Variants in DOCK3 observed in about 807,000 individuals in gnomAD.
The protein encoded by DOCK3 is dedicator of cytokinesis protein 3.
Under a neutral mutation model 265.6 loss-of-function variants are expected in DOCK3, and 60 were observed. That is an observed-to-expected ratio of 0.23 (90% CI 0.18 to 0.28). The LOEUF (loss-of-function observed/expected upper bound fraction) is 0.28. Ranked by LOEUF, DOCK3 falls within the 10% of genes least tolerant of loss-of-function variation. The pLI is 1.00. For missense variants in DOCK3, 1,981 were observed against 2,594.3 expected (o/e 0.76, Z 5.14); for synonymous variants, 881 against 938.0 (o/e 0.94, Z 1.11).
intron 5 of DOCK3, among the ~76,000 whole-genome samples, chr3:51,012,790 G>T (rs74864468): frequency 0.046 from 6,985 of 152,090 alleles, 581 homozygotes; most frequent in African/African-American, 0.16. Flanking sequence ...TCTTTGAATC[G>T]CCCAGATTTG....
intron 2 of DOCK3, among the ~76,000 whole-genome samples, chr3:50,831,839 CCCA>C (rs1168145525): frequency 6.6e-6 from 1 of 152,170 alleles, no homozygotes; most frequent in East Asian, 1.9e-4. Context: ...AATTTATACT[CCCA>C]CCAACAGTGT....
At chr3:51,254,792 G>A (rs564367460) in intron 22 of DOCK3, among the ~76,000 whole-genome samples, 27 of 152,214 alleles carry the variant, frequency 1.8e-4, no homozygotes, top group African/African-American at 5.8e-4. Flanking sequence ...CCTTAATACA[G>A]CACACTGATG....
intron 38 of DOCK3, among the ~76,000 whole-genome samples, chr3:51,347,512 A>C (rs527268232): frequency 2.0e-5 from 3 of 152,214 alleles, no homozygotes; most frequent in Non-Finnish European, 4.4e-5. Context: ...CTGTTTTGGT[A>C]CCGGTACCAT....
chr3:50,910,029 T>C (rs2049780091), intron 4 of DOCK3, among the ~76,000 whole-genome samples: 1 of 152,114 alleles, frequency 6.6e-6, no homozygotes, highest in Non-Finnish European at 1.5e-5. Flanking sequence ...GTACTTGTGA[T>C]TGCATTGTGA....
intron 2 of DOCK3, among the ~76,000 whole-genome samples, chr3:50,798,755 T>G (rs2042920303): frequency 6.6e-6 from 1 of 152,170 alleles, no homozygotes; most frequent in Non-Finnish European, 1.5e-5. Context: ...TTTGTTTATT[T>G]TTGCTTGTGT....
chr3:50,991,928 A>C (rs534326348), intron 5 of DOCK3, among the ~76,000 whole-genome samples: 1 of 152,218 alleles, frequency 6.6e-6, no homozygotes, highest in African/African-American at 2.4e-5. Context: ...AGAAGTCAAG[A>C]CTATAAAAAT....
chr3:51,049,487 C>T lies in DOCK3; in HGVS notation c.316-14961C>T, dbSNP rs546238541. ...GTTCCTTTTTTAAATGGCTAGCTAA[C>T]TTTATGGGTCAGTTTTCTTTCGAGG... On this transcript the variant is annotated intron_variant, in intron 5 of 52. Transcript: ENST00000266037. 2.1e-4 allele frequency among the ~76,000 whole-genome samples: 32 copies of T among 152,220 alleles called. No individual in the cohort carries two copies. In the South Asian group the frequency reaches 6.6e-3, roughly 32 times the overall value.
chr3:51,118,691 T>C (rs1463635840), intron 9 of DOCK3, among the ~76,000 whole-genome samples: 1 of 152,250 alleles, frequency 6.6e-6, no homozygotes, highest in Admixed American at 6.5e-5. Context: ...CTTGTTGCAT[T>C]GATCCCTTTA....
At chr3:51,143,391 TC>T (rs1262941735) in intron 9 of DOCK3, among the ~76,000 whole-genome samples, 2 of 151,590 alleles carry the variant, frequency 1.3e-5, no homozygotes, top group African/African-American at 4.8e-5. Flanking sequence ...TGTCTCAGCC[TC>T]CTGAGTAGCT....
At chr3:50,909,917 C>A (rs764492669) in intron 4 of DOCK3, among the ~76,000 whole-genome samples, 1 of 151,838 alleles carries the variant, frequency 6.6e-6, no homozygotes, top group Non-Finnish European at 1.5e-5. Flanking sequence ...TTGTTCATTC[C>A]TTTTCATTCT....
chr3:50,803,930 C>T (rs1559659692), intron 2 of DOCK3, among the ~76,000 whole-genome samples: 1 of 151,948 alleles, frequency 6.6e-6, no homozygotes, highest in Non-Finnish European at 1.5e-5. Flanking sequence ...GGAGACGCTC[C>T]TCACTTCCCA....
chr3:50,684,320 T>C (rs550972356), intron 1 of DOCK3, among the ~76,000 whole-genome samples: 1 of 152,336 alleles, frequency 6.6e-6, no homozygotes, highest in Non-Finnish European at 1.5e-5. Flanking sequence ...CAGGACCTAG[T>C]TCATGGTGAG....
intron 32 of DOCK3, 75 bp from the exon 33 acceptor site, chr3:51,330,063 C>T (rs745851080): frequency 2.1e-6 from 3 of 1,429,540 alleles, no homozygotes; most frequent in Non-Finnish European, 2.9e-6. Context: ...ACCATCCTCA[C>T]CCACCACAGG....
At chr3:50,770,593 G>T (rs2041213292) in intron 1 of DOCK3, among the ~76,000 whole-genome samples, 1 of 151,992 alleles carries the variant, frequency 6.6e-6, no homozygotes, top group African/African-American at 2.4e-5. Flanking sequence ...AAAAAAAAAT[G>T]TAAAATTTAT....
intron 22 of DOCK3, among the ~76,000 whole-genome samples, chr3:51,251,883 A>G (rs1183499786): frequency 1.3e-5 from 2 of 152,206 alleles, no homozygotes; most frequent in Admixed American, 6.5e-5. Flanking sequence ...CCATTGGTCA[A>G]TTTTGGCTTT....
At chr3:50,820,221 T>C (rs1476771514) in intron 2 of DOCK3, among the ~76,000 whole-genome samples, 2 of 152,228 alleles carry the variant, frequency 1.3e-5, no homozygotes, top group South Asian at 2.1e-4. Flanking sequence ...CACTTTACTC[T>C]GTTGGCTCAC....
chr3:51,297,221 G>A (rs1466443958), intron 27 of DOCK3, among the ~76,000 whole-genome samples: 1 of 150,176 alleles, frequency 6.7e-6, no homozygotes, highest in Non-Finnish European at 1.5e-5. Flanking sequence ...AGACCTAAAT[G>A]TAAAAGCTAA....
intron 3 of DOCK3, among the ~76,000 whole-genome samples, chr3:50,883,384 C>G (rs2048157817): frequency 6.6e-6 from 1 of 151,900 alleles, no homozygotes; most frequent in Non-Finnish European, 1.5e-5. Flanking sequence ...TAAGAAAATT[C>G]AAGAGAAAAA....
At chr3:51,158,462 C>G (rs1402986590) in intron 10 of DOCK3, among the ~76,000 whole-genome samples, 1 of 152,126 alleles carries the variant, frequency 6.6e-6, no homozygotes, top group Non-Finnish European at 1.5e-5. Context: ...GGGAGAATCG[C>G]TTGACCCAGA....
Sources: allele counts gnomAD v4.1 joint callset (sites outside exome capture counted in the v4.1 genomes callset), GRCh38; gene constraint gnomAD v4.1.1; transcripts MANE v1.5; gene names NCBI Gene and HGNC (gene_info 2026-07-23, HGNC 2026-07-21).